Variants in KAZN observed in about 807,000 individuals in gnomAD.
KAZN encodes kazrin, periplakin interacting protein.
A neutral mutation model predicts 87.4 loss-of-function variants in KAZN; 40 were observed. The ratio of observed to expected loss-of-function variants is 0.46; its 90% CI spans 0.36 to 0.60. The LOEUF is 0.60. Ranked by LOEUF, KAZN falls within the 20% of genes least tolerant of loss-of-function variation. The pLI is 0.00. For missense variants in KAZN, 898 were observed against 1,073.9 expected, an observed-to-expected ratio of 0.84 and a Z score of 2.29; for synonymous variants, 466 against 458.3, an observed-to-expected ratio of 1.02 and a Z score of -0.22.
chr1:14,870,702 A>G (rs1445691064), intron 1 of KAZN, among the ~76,000 whole-genome samples: 1 of 152,170 alleles, frequency 6.6e-6, no homozygotes, highest in African/African-American at 2.4e-5. Flanking sequence ...GTGATGCTTC[A>G]TGAGATGAGG....
chr1:14,650,702 C>A (rs1203699108), intron 1 of KAZN, among the ~76,000 whole-genome samples: 2 of 152,210 alleles, frequency 1.3e-5, no homozygotes, highest in African/African-American at 4.8e-5. Context: ...TATTGCTTTA[C>A]ATAAATCTGC....
chr1:14,450,671 C>T (rs965827983), intron 2 of KAZN, among the ~76,000 whole-genome samples: 9 of 152,016 alleles, frequency 5.9e-5, no homozygotes, highest in East Asian at 1.9e-4. Context: ...GATGGTGGGG[C>T]GTGGGAAAAA....
chr1:13,967,810 G>A (rs1258802542), intron 1 of KAZN, among the ~76,000 whole-genome samples: 2 of 152,178 alleles, frequency 1.3e-5, no homozygotes, highest in African/African-American at 4.8e-5. Context: ...TCACTGGGCG[G>A]GGCTGGATCT....
chr1:14,328,469 C>T (rs1261961105), intron 2 of KAZN, among the ~76,000 whole-genome samples: 1 of 151,940 alleles, frequency 6.6e-6, no homozygotes, highest in African/African-American at 2.4e-5. Context: ...TTTGGGAGCC[C>T]GAGGCAGGCA....
chr1:14,912,129 A>G (rs1370923308), intron 1 of KAZN, among the ~76,000 whole-genome samples: 1 of 135,510 alleles, frequency 7.4e-6, no homozygotes, highest in Non-Finnish European at 1.6e-5. Context: ...TGGGTAACAG[A>G]GAGAGACTCC....
intron 11 of KAZN, 99 bp downstream of exon 11, chr1:15,101,873 C>G: frequency 1.4e-6 from 1 of 736,104 alleles, no homozygotes; most frequent in Non-Finnish European, 2.3e-6. Flanking sequence ...ACCCGTCTAT[C>G]CATCTGTCCA....
At chr1:14,646,667 C>T (rs1680834680) in intron 1 of KAZN, among the ~76,000 whole-genome samples, 1 of 152,088 alleles carries the variant, frequency 6.6e-6, no homozygotes, top group African/African-American at 2.4e-5. Context: ...CAGCAGTGTC[C>T]CCCAGCCTGC....
intron 1 of KAZN, among the ~76,000 whole-genome samples, chr1:14,633,255 A>G (rs1679712541): frequency 6.6e-6 from 1 of 152,074 alleles, no homozygotes; most frequent in African/African-American, 2.4e-5. Context: ...TGGTTATTAG[A>G]TACTGGTAGG....
intron 8 of KAZN, among the ~76,000 whole-genome samples, chr1:15,092,118 C>T (rs567042309): frequency 3.9e-5 from 5 of 127,330 alleles, no homozygotes; most frequent in Admixed American, 2.8e-4. Context: ...CTCTTGTTGG[C>T]CAGGCTGGAG....
chr1:14,454,898 G>C (rs1667480384), intron 2 of KAZN, among the ~76,000 whole-genome samples: 1 of 152,150 alleles, frequency 6.6e-6, no homozygotes, highest in Non-Finnish European at 1.5e-5. Context: ...ATCTGGGTGT[G>C]GCTCAATGGG....
intron 8 of KAZN, among the ~76,000 whole-genome samples, chr1:15,086,191 G>A (rs1026388111): frequency 2.0e-5 from 3 of 152,120 alleles, no homozygotes; most frequent in East Asian, 3.9e-4. Flanking sequence ...GGGTGGTCTC[G>A]AACTCCTGAA....
intron 2 of KAZN, among the ~76,000 whole-genome samples, chr1:14,477,652 G>T (rs1668827008): frequency 6.6e-6 from 1 of 152,080 alleles, no homozygotes; most frequent in South Asian, 2.1e-4. Flanking sequence ...ACCTAGTTCT[G>T]CCTTCCGTAG....
intron 1 of KAZN, among the ~76,000 whole-genome samples, chr1:14,036,784 A>G (rs999499600): frequency 7.2e-5 from 11 of 151,836 alleles, no homozygotes; most frequent in African/African-American, 1.2e-4. Flanking sequence ...TATTATTATT[A>G]TCATTATTAT....
intron 2 of KAZN, among the ~76,000 whole-genome samples, chr1:14,387,603 G>T (rs1268160048): frequency 6.6e-6 from 1 of 152,152 alleles, no homozygotes; most frequent in Non-Finnish European, 1.5e-5. Context: ...CTGCTTGGGG[G>T]GTGCCTCCCA....
intron 2 of KAZN, among the ~76,000 whole-genome samples, chr1:14,354,428 G>C (rs1162385022): frequency 1.3e-5 from 2 of 152,076 alleles, no homozygotes; most frequent in Non-Finnish European, 1.5e-5. Flanking sequence ...CAAAGAATTT[G>C]TATTCAGAAT....
chr1:15,060,414 C>A, intron 6 of KAZN, 112 bp downstream of exon 6: 1 of 1,377,598 alleles, frequency 7.3e-7, no homozygotes, highest in Non-Finnish European at 1.0e-6. Context: ...ACCCAGGGAG[C>A]ACTCTGGCGA....
At chr1:14,014,898 A>G (rs1640491621) in intron 1 of KAZN, among the ~76,000 whole-genome samples, 1 of 152,202 alleles carries the variant, frequency 6.6e-6, no homozygotes, top group Non-Finnish European at 1.5e-5. Flanking sequence ...CTGGTAAGGA[A>G]ATGTAGCCTC....
intron 1 of KAZN, among the ~76,000 whole-genome samples, chr1:14,691,928 C>CTTTTT (rs34159268): frequency 6.9e-6 from 1 of 144,470 alleles, no homozygotes; most frequent in African/African-American, 2.6e-5. Context: ...CAATTTCTTC[C>CTTTTT]TTTTTTTTTT....
chr1:14,960,255 C>G lies in KAZN; in HGVS notation c.227-429C>G, dbSNP rs534950367. Among the ~76,000 whole-genome samples, 6 of 152,296 alleles carry G rather than the reference C, an allele frequency of 3.9e-5. No individual in the cohort carries two copies. In the South Asian group the frequency reaches 6.2e-4, roughly 16 times the overall value. ...ATGACCACCTGGAGTTACTTAATCT[C>G]TCTGGGCATCGATGTCCTAATTTAT... On this transcript the variant is annotated intron_variant, in intron 1 of 14. Coordinates refer to ENST00000376030, the MANE Select transcript of KAZN (RefSeq NM_201628.3).
Sources: gnomAD v4.1 joint callset for allele counts (sites outside exome capture counted in the v4.1 genomes callset) on GRCh38, gnomAD v4.1.1 for gene constraint, MANE v1.5 for transcripts, NCBI Gene and HGNC (gene_info 2026-07-23, HGNC 2026-07-21) for gene names.